Variants in LCORL observed in about 807,000 individuals in gnomAD.
LCORL encodes ligand dependent nuclear receptor corepressor like, also known as ligand-dependent nuclear receptor corepressor-like protein.
LCORL carries 41 observed loss-of-function variants against 141.8 expected under a neutral mutation model. That is an observed-to-expected ratio of 0.29 (90% confidence interval 0.23 to 0.38). LCORL has a LOEUF of 0.38. Among genes scored for constraint, LCORL ranks in the 10% least tolerant of loss-of-function variants. The pLI is 1.00. For synonymous variants in LCORL, 618 were observed against 694.1 expected (o/e 0.89, Z 1.72); for missense variants, 1,759 against 2,035.0 (o/e 0.86, Z 2.61).
intron 4 of LCORL, among the ~76,000 whole-genome samples, chr4:17,928,079 G>A (rs1414124372): frequency 6.6e-6 from 1 of 152,174 alleles, no homozygotes; most frequent in Non-Finnish European, 1.5e-5. Context: ...AAGGATTTAT[G>A]TCAAGAATTC....
At chr4:17,926,181 AATAC>A (rs1401457925) in intron 4 of LCORL, among the ~76,000 whole-genome samples, 1 of 152,120 alleles carries the variant, frequency 6.6e-6, no homozygotes, top group Non-Finnish European at 1.5e-5. Context: ...TGTGATGGTT[AATAC>A]TGAGTGTCAA....
intron 1 of LCORL, among the ~76,000 whole-genome samples, chr4:17,976,123 C>T (rs1716909569): frequency 1.3e-5 from 2 of 152,010 alleles, no homozygotes; most frequent in Non-Finnish European, 2.9e-5. Context: ...GTATTTTTTT[C>T]CAATTGTTTA....
At chr4:17,845,705 C>A (rs746574904) in exon 8 of LCORL, 1 of 1,583,142 alleles carries the variant, frequency 6.3e-7, no homozygotes. Flanking sequence ...AAAGATAGTG[C>A]AAGAAGAACT....
exon 7 of LCORL, chr4:17,873,523 C>A: frequency 8.1e-7 from 1 of 1,233,132 alleles, no homozygotes. Context: ...TCAAAACTAT[C>A]AGGATTCTTG....
chr4:17,876,846 T>C (rs1726975049), exon 7 of LCORL: 2 of 1,230,824 alleles, frequency 1.6e-6, no homozygotes, highest in Non-Finnish European at 2.0e-6. Flanking sequence ...TGAAAATTCA[T>C]TAAAAGACAA....
At chr4:17,961,813 G>A in intron 4 of LCORL, 90 bp downstream of exon 4, 1 of 948,956 alleles carries the variant, frequency 1.1e-6, no homozygotes, top group Non-Finnish European at 1.6e-6. Context: ...GAAGTAGAGA[G>A]ACTGACATAT....
intron 5 of LCORL, among the ~76,000 whole-genome samples, chr4:17,895,071 CAT>C (rs1332719500): frequency 2.0e-5 from 3 of 150,794 alleles, no homozygotes; most frequent in Non-Finnish European, 4.4e-5. Context: ...TGAATTGACA[CAT>C]AATTGAACCT....
chr4:18,006,098 A>G (rs963386613), intron 1 of LCORL, among the ~76,000 whole-genome samples: 4 of 152,198 alleles, frequency 2.6e-5, no homozygotes, highest in African/African-American at 7.2e-5. Context: ...CACCTCTTGA[A>G]TGCTTTGCTG....
At chr4:17,945,266 C>T (rs1738675754) in intron 4 of LCORL, among the ~76,000 whole-genome samples, 1 of 151,966 alleles carries the variant, frequency 6.6e-6, no homozygotes, top group Non-Finnish European at 1.5e-5. Flanking sequence ...ATAAAAATTA[C>T]ATTTAAAAGA....
chr4:17,881,820 T>C (rs1055094161), intron 6 of LCORL: 2 of 983,948 alleles, frequency 2.0e-6, no homozygotes, highest in Non-Finnish European at 1.2e-6. Flanking sequence ...TGTTTTGAAA[T>C]ATGTACTTTA....
chr4:17,879,091 G>T (rs1320542548), intron 6 of LCORL, among the ~76,000 whole-genome samples: 2 of 150,934 alleles, frequency 1.3e-5, no homozygotes, highest in Non-Finnish European at 3.0e-5. Flanking sequence ...TATTACATTT[G>T]TTGTTTTTAA....
At chr4:18,007,955 G>T (rs549353287) in intron 1 of LCORL, among the ~76,000 whole-genome samples, 1 of 152,200 alleles carries the variant, frequency 6.6e-6, no homozygotes, top group East Asian at 1.9e-4. Context: ...TCCCAAAAGA[G>T]TAGTATGTAA....
intron 4 of LCORL, 95 bp from the exon 5 acceptor site, chr4:17,909,440 A>C: frequency 1.1e-6 from 1 of 908,880 alleles, no homozygotes; most frequent in Non-Finnish European, 1.6e-6. Flanking sequence ...TGACTTCAGA[A>C]GTCTTTTAGC....
At chr4:18,016,273 T>C (rs1336683589) in intron 1 of LCORL, among the ~76,000 whole-genome samples, 3 of 152,176 alleles carry the variant, frequency 2.0e-5, no homozygotes, top group Non-Finnish European at 4.4e-5. Flanking sequence ...ATCTCCAATT[T>C]ACAGATTAAG....
intron 7 of LCORL, among the ~76,000 whole-genome samples, chr4:17,854,712 T>C (rs556410611): frequency 6.6e-6 from 1 of 152,232 alleles, no homozygotes; most frequent in South Asian, 2.1e-4. Context: ...AAAAACTTAG[T>C]TTTTCTCAAA....
At chr4:17,978,643 A>G (rs1341812885) in intron 1 of LCORL, among the ~76,000 whole-genome samples, 1 of 151,036 alleles carries the variant, frequency 6.6e-6, no homozygotes, top group South Asian at 2.1e-4. Flanking sequence ...GGGTGGTGGG[A>G]ACTTGAATAA....
At chr4:17,885,278 A>T (rs1259307115) in intron 6 of LCORL, among the ~76,000 whole-genome samples, 4 of 151,986 alleles carry the variant, frequency 2.6e-5, no homozygotes, top group Non-Finnish European at 5.9e-5. Flanking sequence ...TTAAAACTTG[A>T]AACAAGTAGA....
intron 5 of LCORL, among the ~76,000 whole-genome samples, chr4:17,894,131 A>G (rs1333265509): frequency 1.3e-5 from 2 of 152,100 alleles, no homozygotes; most frequent in African/African-American, 4.8e-5. Context: ...ACTTTCCCCA[A>G]TTTATGATGG....
intron 2 of LCORL, among the ~76,000 whole-genome samples, chr4:17,972,339 CT>C (rs1716129912): frequency 6.6e-6 from 1 of 151,734 alleles, no homozygotes; most frequent in Non-Finnish European, 1.5e-5. Context: ...TTGTTTCTTC[CT>C]TCCCAATATT....
Sources: gnomAD v4.1 joint callset for allele counts (sites outside exome capture counted in the v4.1 genomes callset) on GRCh38, gnomAD v4.1.1 for gene constraint, MANE v1.5 for transcripts, NCBI Gene and HGNC (gene_info 2026-07-23, HGNC 2026-07-21) for gene names.